The following LRFN2 variants were observed in gnomAD, a reference collection of about 807,000 sequenced individuals.
LRFN2 encodes leucine-rich repeat and fibronectin type-III domain-containing protein 2.
In LRFN2, 18 loss-of-function variants were observed where a neutral mutation model predicts 37.3. The observed-to-expected ratio is 0.48, with a 90% CI of 0.33 to 0.72. LRFN2 has a LOEUF of 0.72. LRFN2 is among the 30% of genes least tolerant of loss of function. LRFN2 has a pLI of 0.02. For missense variants in LRFN2, 1,006 were observed against 1,060.7 expected (o/e 0.95, Z 0.72); for synonymous variants, 556 against 466.6 (o/e 1.19, Z -2.47).
intron 2 of LRFN2, among the ~76,000 whole-genome samples, chr6:40,395,553 G>A (rs11758461): frequency 1.8e-3 from 277 of 152,222 alleles, no homozygotes; most frequent in Non-Finnish European, 3.1e-3. Flanking sequence ...CCAGGGCCTC[G>A]TTCCTTTCCC....
chr6:40,411,580 C>T (rs1304327569), intron 2 of LRFN2, among the ~76,000 whole-genome samples: 2 of 152,166 alleles, frequency 1.3e-5, no homozygotes, highest in African/African-American at 4.8e-5. Flanking sequence ...CCCTGCCCTG[C>T]ACTCTGTGCT....
intron 1 of LRFN2, among the ~76,000 whole-genome samples, chr6:40,500,440 A>T (rs1274195704): frequency 6.6e-6 from 1 of 152,220 alleles, no homozygotes; most frequent in Non-Finnish European, 1.5e-5. Context: ...GCATCACTGC[A>T]AGTCTTTGAG....
intron 2 of LRFN2, among the ~76,000 whole-genome samples, chr6:40,425,415 GTGTT>G (rs1763329809): frequency 6.6e-6 from 1 of 152,232 alleles, no homozygotes; most frequent in Non-Finnish European, 1.5e-5. Context: ...TTAGAGACAA[GTGTT>G]TGTGAATGTC....
intron 1 of LRFN2, among the ~76,000 whole-genome samples, chr6:40,449,047 T>A (rs916769671): frequency 1.3e-5 from 2 of 152,212 alleles, no homozygotes; most frequent in African/African-American, 4.8e-5. Flanking sequence ...AGCCTCTTGG[T>A]TGTTCCCTAA....
intron 1 of LRFN2, among the ~76,000 whole-genome samples, chr6:40,488,805 C>A (rs529895854): frequency 6.6e-6 from 1 of 152,214 alleles, no homozygotes; most frequent in Admixed American, 6.5e-5. Context: ...TCCTTGAGGG[C>A]AGGTGCATTT....
intron 1 of LRFN2, among the ~76,000 whole-genome samples, chr6:40,503,491 G>A (rs933236840): frequency 6.6e-6 from 1 of 152,208 alleles, no homozygotes. Context: ...TGCTGGAGAA[G>A]CCCACAAGCT....
At position 40,432,481 on chromosome 6, in the gene LRFN2, C is replaced by T. The variant is rs774849230; in HGVS notation, c.633G>A (p.Lys211=). The T allele has an allele frequency of 6.8e-6, 11 of 1,614,098 alleles. No homozygotes were observed. In the Middle Eastern group the frequency reaches 8.2e-4, roughly 121 times the overall value. ...RLDLTSNRLQ[K]LPPDPIFARS... is the part of the protein sequence containing the mutation. ...GGGCAAAGATGGGATCAGGGGGCAG[C>T]TTCTGCAGCCGATTGGAGGTGAGAT... Residue 211 remains lysine, a synonymous_variant, in exon 2 of 3, where the codon AAG becomes AAA. Coordinates refer to ENST00000338305, the MANE Select transcript of LRFN2 (RefSeq NM_020737.3).
At chr6:40,556,749 ACACG>A (rs1238322731) in intron 1 of LRFN2, among the ~76,000 whole-genome samples, 3,884 of 141,006 alleles carry the variant, frequency 0.028, 88 homozygotes, top group Middle Eastern at 0.045. Context: ...ACACACACAC[ACACG>A]CACACACTCC....
intron 2 of LRFN2, among the ~76,000 whole-genome samples, chr6:40,422,370 G>C (rs752530165): frequency 2.0e-5 from 3 of 152,202 alleles, no homozygotes; most frequent in Admixed American, 2.0e-4. Flanking sequence ...GATGCTGAAT[G>C]CATGTCAAAA....
intron 1 of LRFN2, among the ~76,000 whole-genome samples, chr6:40,494,578 C>T (rs180913951): frequency 6.6e-6 from 1 of 152,178 alleles, no homozygotes; most frequent in East Asian, 1.9e-4. Context: ...TCATTCCTGA[C>T]AATTTCATAT....
At chr6:40,558,259 G>T (rs1766927087) in intron 1 of LRFN2, among the ~76,000 whole-genome samples, 1 of 152,220 alleles carries the variant, frequency 6.6e-6, no homozygotes, top group Admixed American at 6.5e-5. Flanking sequence ...GGCAGGAGCA[G>T]CCAGCAGCCT....
intron 2 of LRFN2, among the ~76,000 whole-genome samples, chr6:40,412,452 C>G (rs1019686498): frequency 6.6e-6 from 1 of 152,174 alleles, no homozygotes; most frequent in Admixed American, 6.5e-5. Flanking sequence ...GGTAACAGAG[C>G]ATGACTGACA....
At chr6:40,417,936 A>C (rs559671776) in intron 2 of LRFN2, among the ~76,000 whole-genome samples, 1 of 152,282 alleles carries the variant, frequency 6.6e-6, no homozygotes. Flanking sequence ...CCCTGATGCT[A>C]TCCCTGCCTG....
At chr6:40,586,069 C>T (rs960373502) in intron 1 of LRFN2, among the ~76,000 whole-genome samples, 3 of 152,226 alleles carry the variant, frequency 2.0e-5, no homozygotes, top group Non-Finnish European at 4.4e-5. Flanking sequence ...CTTCTCCCTC[C>T]TGCTCTGGTT....
intron 1 of LRFN2, among the ~76,000 whole-genome samples, chr6:40,499,568 T>C (rs1394700802): frequency 6.6e-6 from 1 of 152,196 alleles, no homozygotes; most frequent in Non-Finnish European, 1.5e-5. Flanking sequence ...GGAGTGGATT[T>C]AGGGCTTCGC....
chr6:40,516,609 G>A (rs1206131458), intron 1 of LRFN2, among the ~76,000 whole-genome samples: 1 of 152,120 alleles, frequency 6.6e-6, no homozygotes, highest in Non-Finnish European at 1.5e-5. Context: ...TGCCAAATGG[G>A]TTCTCCCCCA....
intron 2 of LRFN2, among the ~76,000 whole-genome samples, chr6:40,414,354 G>A (rs545738211): frequency 1.3e-5 from 2 of 152,122 alleles, no homozygotes; most frequent in Admixed American, 6.5e-5. Flanking sequence ...CCTCGGGCAG[G>A]CTTCTTCACC....
chr6:40,561,264 G>C (rs1766988980), intron 1 of LRFN2, among the ~76,000 whole-genome samples: 1 of 152,188 alleles, frequency 6.6e-6, no homozygotes, highest in African/African-American at 2.4e-5. Flanking sequence ...AGCTGTGTGG[G>C]GTGCAGGAGA....
intron 1 of LRFN2, among the ~76,000 whole-genome samples, chr6:40,504,718 G>C: frequency 6.6e-6 from 1 of 152,128 alleles, no homozygotes; most frequent in Non-Finnish European, 1.5e-5. Flanking sequence ...CAAGAAACAG[G>C]TGTGGAGTGA....
Sources: gnomAD v4.1 joint callset for allele counts (sites outside exome capture counted in the v4.1 genomes callset) on GRCh38, gnomAD v4.1.1 for gene constraint, MANE v1.5 for transcripts, NCBI Gene and HGNC (gene_info 2026-07-23, HGNC 2026-07-21) for gene names.